The following KSR2 variants were observed in gnomAD, a reference collection of about 807,000 sequenced individuals.
KSR2 encodes kinase suppressor of ras 2.
A neutral mutation model predicts 107.8 loss-of-function variants in KSR2; 25 were observed. The ratio of observed to expected loss-of-function variants is 0.23; its 90% CI spans 0.17 to 0.32. KSR2 has a LOEUF of 0.32. Among genes scored for constraint, KSR2 ranks in the 10% least tolerant of loss-of-function variants. KSR2 has a pLI of 1.00. For synonymous variants in KSR2, 480 were observed against 507.0 expected, an observed-to-expected ratio of 0.95 and a Z score of 0.71; for missense variants, 887 against 1,268.9, an observed-to-expected ratio of 0.70 and a Z score of 4.57.
At chr12:117,962,808 A>C (rs1358874889) in intron 1 of KSR2, among the ~76,000 whole-genome samples, 1 of 152,112 alleles carries the variant, frequency 6.6e-6, no homozygotes, top group Non-Finnish European at 1.5e-5. Context: ...ATCAAAAAAA[A>C]AATCAAAAGA....
intron 5 of KSR2, among the ~76,000 whole-genome samples, chr12:117,667,013 T>C (rs1472655472): frequency 6.6e-6 from 1 of 152,156 alleles, no homozygotes; most frequent in African/African-American, 2.4e-5. Flanking sequence ...CTTTGAGATG[T>C]AAAGGTTATA....
chr12:117,701,252 C>T (rs1267648172), intron 4 of KSR2, among the ~76,000 whole-genome samples: 1 of 152,108 alleles, frequency 6.6e-6, no homozygotes, highest in African/African-American at 2.4e-5. Context: ...ACCACCACAC[C>T]CAGCTAATTT....
rs185673039 is a variant in KSR2 at position 117,567,100 on chromosome 12, T to C, written c.1326-8527A>G. 8.3e-4 allele frequency among the ~76,000 whole-genome samples: 126 copies of C among 152,268 alleles called. 1 individual carries two copies. Among genetic ancestry groups the C allele is most frequent in the Non-Finnish European group, 1.4e-3 (98 of 68,022 alleles). On this transcript the variant is annotated intron_variant, in intron 7 of 19. Transcript: ENST00000339824. ...TGAGATGGCCCTGCCTTCAAAGAGT[T>C]TAAAGTCTGGTCAGGAAGACAGGCA... is the stretch of plus-strand genomic sequence containing the variant.
At chr12:117,938,036 T>C (rs1412492192) in intron 1 of KSR2, among the ~76,000 whole-genome samples, 4 of 151,592 alleles carry the variant, frequency 2.6e-5, no homozygotes, top group African/African-American at 4.8e-5. Flanking sequence ...CTTCATTTGG[T>C]TCCTCAAATG....
At chr12:117,532,782 G>C (rs764202261) in intron 10 of KSR2, among the ~76,000 whole-genome samples, 6 of 152,118 alleles carry the variant, frequency 3.9e-5, no homozygotes, top group Non-Finnish European at 7.4e-5. Flanking sequence ...GGGGCCAAGC[G>C]GTGTTGGGGG....
intron 3 of KSR2, among the ~76,000 whole-genome samples, chr12:117,778,870 A>C (rs539547543): frequency 1.5e-3 from 227 of 152,298 alleles, no homozygotes; most frequent in Middle Eastern, 0.01. Flanking sequence ...CAGGCATTAT[A>C]TTAGTTTTAT....
intron 1 of KSR2, among the ~76,000 whole-genome samples, chr12:117,891,919 G>A (rs1489991479): frequency 6.6e-6 from 1 of 152,112 alleles, no homozygotes; most frequent in Non-Finnish European, 1.5e-5. Context: ...AGGATCACTT[G>A]AGCCCGGGAG....
rs766258114 is a variant in KSR2, at chr12:117,530,924, G to A, written c.1802+17C>T. Reference sequence around the variant, plus strand: ...GGGAAGCTTGGGAAAGGGGGAAGATGTCTCTGTCTCACTTACATTGGATTC... The same window carrying A: ...GGGAAGCTTGGGAAAGGGGGAAGATATCTCTGTCTCACTTACATTGGATTC... On this transcript the variant is annotated intron_variant, in intron 12 of 19. Coordinates refer to ENST00000339824, the MANE Select transcript of KSR2 (RefSeq NM_173598.6). 5 of 1,611,520 alleles carry A rather than the reference G, an allele frequency of 3.1e-6. No homozygotes were observed. The African/African-American group carries it at 6.7e-5, about 22-fold the overall frequency.
rs1256281208 is a variant in KSR2 at position 117,928,222 on chromosome 12, C to T, written c.180+39854G>A. On this transcript the variant is annotated intron_variant, in intron 1 of 19. Transcript: ENST00000339824. Reference sequence around the variant, plus strand: ...TGAGACAGGGTTTCCCTCTGTCACCCAGGCTGGAGTGCAGTGGTGCAGTAT... The same window carrying T: ...TGAGACAGGGTTTCCCTCTGTCACCTAGGCTGGAGTGCAGTGGTGCAGTAT... Among the ~76,000 whole-genome samples, 3 of 151,218 alleles carry T rather than the reference C, an allele frequency of 2.0e-5. 1 individual carries two copies. Among genetic ancestry groups the T allele is most frequent in the Admixed American group, 1.3e-4 (2 of 15,144 alleles).
At chr12:117,835,667 G>T (rs1892177876) in intron 3 of KSR2, among the ~76,000 whole-genome samples, 1 of 152,108 alleles carries the variant, frequency 6.6e-6, no homozygotes, top group Admixed American at 6.5e-5. Flanking sequence ...AGGCATTTTT[G>T]ATGGTCACTA....
chr12:117,685,269 C>A (rs372276504), intron 4 of KSR2, among the ~76,000 whole-genome samples: 1 of 152,064 alleles, frequency 6.6e-6, no homozygotes, highest in Non-Finnish European at 1.5e-5. Context: ...TTTTTTTGTT[C>A]CCAAACCCAT....
Position 117,766,759 on chromosome 12 carries a change from G to C in KSR2, c.473-5235C>G, listed in dbSNP as rs549346191. ...AAGAGTTCCCAGGAAAGGTGGCAGT[G>C]AGGTGGGTGACAGCAGAAGGATGGT... On this transcript the variant is annotated intron_variant, in intron 3 of 19. Coordinates refer to ENST00000339824, the MANE Select transcript of KSR2 (RefSeq NM_173598.6). Among the ~76,000 whole-genome samples, 111 of 152,110 alleles carry C rather than the reference G, an allele frequency of 7.3e-4. 1 individual carries two copies. Among genetic ancestry groups the C allele is most frequent in the Non-Finnish European group, 1.9e-4 (13 of 67,996 alleles).
chr12:117,931,619 C>T (rs148680935), intron 1 of KSR2, among the ~76,000 whole-genome samples: 46 of 152,276 alleles, frequency 3.0e-4, no homozygotes, highest in African/African-American at 1.0e-3. Flanking sequence ...GCTGCTCATA[C>T]GTGTCAAGAT....
At chr12:117,762,354 T>C (rs148076771) in intron 3 of KSR2, among the ~76,000 whole-genome samples, 44 of 152,310 alleles carry the variant, frequency 2.9e-4, no homozygotes, top group African/African-American at 1.0e-3. Context: ...CAGATCTGTG[T>C]CGCCATGTTC....
At chr12:117,956,129 A>C (rs909348021) in intron 1 of KSR2, among the ~76,000 whole-genome samples, 7 of 151,456 alleles carry the variant, frequency 4.6e-5, no homozygotes, top group African/African-American at 1.7e-4. Flanking sequence ...GGGCGCCTGT[A>C]GTCCCAGCTA....
At position 117,961,268 on chromosome 12, in the gene KSR2, A is replaced by G. The variant is rs75953382; in HGVS notation, c.180+6808T>C. On this transcript the variant is annotated intron_variant, in intron 1 of 19. Transcript: ENST00000339824. ...CTTTCTCCCCCTTCTAGATGCACCAATGATAATGCTGCAGAGGGGAAGGGG... is the reference window on the plus strand; with the variant it reads ...CTTTCTCCCCCTTCTAGATGCACCAGTGATAATGCTGCAGAGGGGAAGGGG... 8.6e-3 allele frequency among the ~76,000 whole-genome samples: 1,312 copies of G among 152,048 alleles called. 21 individuals carry two copies. Among genetic ancestry groups the G allele is most frequent in the African/African-American group, 0.03 (1,245 of 41,500 alleles).
chr12:117,673,797 C>T (rs1485407960), intron 4 of KSR2, among the ~76,000 whole-genome samples: 2 of 152,166 alleles, frequency 1.3e-5, no homozygotes, highest in East Asian at 3.8e-4. Flanking sequence ...CATTCTTTCC[C>T]GTGATCTTTG....
At chr12:117,673,727 T>G (rs767851409) in intron 4 of KSR2, among the ~76,000 whole-genome samples, 1 of 152,206 alleles carries the variant, frequency 6.6e-6, no homozygotes, top group Non-Finnish European at 1.5e-5. Flanking sequence ...TGACTGTGAC[T>G]GTGTACTTAA....
At chr12:117,638,744 C>T (rs917286609) in intron 5 of KSR2, among the ~76,000 whole-genome samples, 1 of 151,982 alleles carries the variant, frequency 6.6e-6, no homozygotes, top group African/African-American at 2.4e-5. Flanking sequence ...TTGTGATATT[C>T]GATTTCTCAA....
Sources: gnomAD v4.1 joint callset for allele counts (sites outside exome capture counted in the v4.1 genomes callset) on GRCh38, gnomAD v4.1.1 for gene constraint, MANE v1.5 for transcripts, NCBI Gene and HGNC (gene_info 2026-07-23, HGNC 2026-07-21) for gene names.